Variants in SDK2 observed in about 807,000 individuals in gnomAD.
SDK2 encodes protein sidekick-2.
In SDK2, 105 loss-of-function variants were observed where a neutral mutation model predicts 253.9. That is an observed-to-expected ratio of 0.41 (90% CI 0.35 to 0.49). SDK2 has a LOEUF of 0.49. Ranked by LOEUF, SDK2 falls within the 20% of genes least tolerant of loss-of-function variation. The probability of loss-of-function intolerance (pLI) is 0.06; values close to 1 mark genes in which losing one functional copy is unlikely to be tolerated. For missense variants in SDK2, 2,608 were observed against 3,003.0 expected, an observed-to-expected ratio of 0.87 and a Z score of 3.07; for synonymous variants, 1,249 against 1,234.9, an observed-to-expected ratio of 1.01 and a Z score of -0.24.
intron 10 of SDK2, among the ~76,000 whole-genome samples, chr17:73,433,120 C>T (rs1031811078): frequency 2.9e-5 from 4 of 136,954 alleles, no homozygotes; most frequent in African/African-American, 1.0e-4. Context: ...CTCACATGCA[C>T]GCTATAGTCT....
At chr17:73,438,267 G>C (rs2063386806) in intron 6 of SDK2, 113 bp from the exon 7 acceptor site, 1 of 950,712 alleles carries the variant, frequency 1.1e-6, no homozygotes, top group South Asian at 1.8e-5. Context: ...GCCTGGGTTT[G>C]CCACCTTCCT....
In SDK2 at chr17:73,424,114, A is replaced by G. The variant is rs374474344; in HGVS notation, c.1584-22T>C. Reference sequence around the variant, plus strand: ...GTACCTAAAAGTAAGAAGAACCCGTAAGTACAGAGGGAGAGGAAGGTACCT... The same window carrying G: ...GTACCTAAAAGTAAGAAGAACCCGTGAGTACAGAGGGAGAGGAAGGTACCT... On this transcript the variant is annotated intron_variant, in intron 12 of 44. Coordinates refer to ENST00000392650, the MANE Select transcript of SDK2 (RefSeq NM_001144952.2). The G allele has an allele frequency of 7.7e-5, 123 of 1,601,442 alleles. No individual in the cohort carries two copies. In the African/African-American group the frequency reaches 1.6e-3, roughly 20 times the overall value.
At chr17:73,498,179 C>A (rs2063858901) in intron 2 of SDK2, among the ~76,000 whole-genome samples, 1 of 152,260 alleles carries the variant, frequency 6.6e-6, no homozygotes, top group Non-Finnish European at 1.5e-5. Flanking sequence ...ACAACCGGCA[C>A]CCATTGTAGT....
At chr17:73,457,239 CTT>C (rs2063532284) in intron 3 of SDK2, among the ~76,000 whole-genome samples, 1 of 47,448 alleles carries the variant, frequency 2.1e-5, no homozygotes, top group Non-Finnish European at 4.0e-5. Context: ...TCCTTCCTTC[CTT>C]CCTTCCTTCC....
At position 73,338,399 on chromosome 17, in the gene SDK2, T is replaced by C. The variant is rs765890880; in HGVS notation, c.*188A>G. ...GCTGAAGAGCTGCTGGCCACACACA[T>C]CCTCTCACGGTTTTCTCCCTCCTTC... is the stretch of plus-strand genomic sequence containing the variant. On this transcript the variant is annotated 3_prime_UTR_variant, in exon 45 of 45. Transcript: ENST00000392650. This position sits in a 1 kb window ranked among gnomAD's most constrained non-coding sequence, Gnocchi z 5.0. The C allele has an allele frequency of 7.3e-5, 51 of 696,470 alleles. No individual in the cohort carries two copies. The highest frequency in any genetic ancestry group is 1.3e-4 in the Non-Finnish European group (48 of 381,528). 43.1% of individuals were successfully genotyped at this position (696,470 alleles called of 1,614,324 possible).
intron 17 of SDK2, 126 bp downstream of exon 17, chr17:73,415,685 C>G: frequency 1.3e-6 from 1 of 768,472 alleles, no homozygotes; most frequent in Non-Finnish European, 2.1e-6. Context: ...GATGGAGTCT[C>G]CCTATGTTGC....
chr17:73,562,368 T>C (rs1599680774), intron 1 of SDK2, among the ~76,000 whole-genome samples: 1 of 152,028 alleles, frequency 6.6e-6, no homozygotes, highest in Non-Finnish European at 1.5e-5. Flanking sequence ...GTTTAATTAC[T>C]GAATTTTGGG....
rs138801054 is a variant in SDK2 at position 73,395,284 on chromosome 17, G to A, written c.3463C>T (p.Arg1155Cys). 6.2e-6 allele frequency: 10 copies of A among 1,613,812 alleles called. No homozygotes were observed. Among genetic ancestry groups the A allele is most frequent in the African/African-American group, 2.7e-5 (2 of 74,886 alleles). Residue 1155 changes from arginine (R) to cysteine (C), a missense_variant, in exon 25 of 45, where the codon CGT becomes TGT. Around this residue, in one of 2 missense-constraint regions of SDK2, gnomAD observed 1,505 missense variants for 1,859.1 expected, o/e 0.81. Transcript: ENST00000392650. This position sits in a 1 kb window ranked among gnomAD's most constrained non-coding sequence, Gnocchi z 4.3. ...TCGATGGTGTAGTCCCGCTCCACACGGTCCTGCACCACGTGGCTCAGCGTC... is the reference window on the plus strand; with the variant it reads ...TCGATGGTGTAGTCCCGCTCCACACAGTCCTGCACCACGTGGCTCAGCGTC... ...GKTLSHVVQD[R>C]VERDYTIEDL...
intron 39 of SDK2, among the ~76,000 whole-genome samples, chr17:73,358,940 G>A (rs2062617012): frequency 1.3e-5 from 2 of 152,010 alleles, no homozygotes; most frequent in Admixed American, 1.3e-4. Context: ...CTAGGAGCTG[G>A]AGCAGATGAG....
At chr17:73,350,153 T>G (rs2062521710) in intron 43 of SDK2, 84 bp downstream of exon 43, 7 of 340,462 alleles carry the variant, frequency 2.1e-5, no homozygotes, top group Non-Finnish European at 2.3e-5. Flanking sequence ...AGGTGGGCAC[T>G]CCCTGCTCTA....
chr17:73,566,733 C>T (rs922553834), intron 1 of SDK2, among the ~76,000 whole-genome samples: 8 of 151,986 alleles, frequency 5.3e-5, no homozygotes, highest in East Asian at 1.9e-4. Flanking sequence ...TGAGAGACAC[C>T]ACTTACAAGT....
rs1257327552 is a variant in SDK2, at chr17:73,383,896, G to A, written c.4685C>T (p.Ala1562Val). 2 of 1,613,966 alleles carry A rather than the reference G, an allele frequency of 1.2e-6. No individual in the cohort carries two copies. Among genetic ancestry groups the A allele is most frequent in the Non-Finnish European group, 1.7e-6 (2 of 1,179,898 alleles). Residue 1562 changes from alanine (A) to valine (V), a missense_variant, in exon 33 of 45, where the codon GCC becomes GTC. By Grantham distance (64) the Ala-to-Val change is moderately conservative. Transcript: ENST00000392650. The surrounding 1 kb of genome is among the most constrained non-coding windows in gnomAD (Gnocchi z 4.3). ...CTCACAGGTAAGCTCAGCCCATGTG[G>A]CCCCTGGGTTGTTGATGCCTCGAAG... is the stretch of plus-strand genomic sequence containing the variant. ...FTLRGINNPG[A>V]TWAELTSMYS...
chr17:73,643,985 C>CCA lies in SDK2; in HGVS notation c.64+38_64+39dup. 2 of 1,450,782 alleles carry CCA rather than the reference C, an allele frequency of 1.4e-6. No individual in the cohort carries two copies. The highest frequency in any genetic ancestry group is 2.0e-5 in the Admixed American group (1 of 50,518). The allele number at this position is 1,450,782 out of a possible 1,614,324, so 89.9% of individuals were successfully genotyped here. ...CGCCGCCCCTCCCCCGCCCACTCTC[C>CCA]CAGCCCCCTCCCTGTCCCCACGTGG... On this transcript the variant is annotated intron_variant, in intron 1 of 44. Coordinates refer to ENST00000392650, the MANE Select transcript of SDK2 (RefSeq NM_001144952.2). The surrounding 1 kb of genome is among the most constrained non-coding windows in gnomAD (Gnocchi z 6.9).
rs1392726719 is a variant in SDK2, at chr17:73,513,153, A to AC, written c.65-5557dup. The stretch of plus-strand genomic sequence containing the variant: ...AGAAATTCTGCCTGGAAAAAAAAAA[A>AC]CCCTCATAAACAAAAAGAAGTGACA... On this transcript the variant is annotated intron_variant, in intron 1 of 44. Transcript: ENST00000392650. 1.6e-4 allele frequency among the ~76,000 whole-genome samples: 25 copies of AC among 151,640 alleles called. No homozygotes were observed. The Middle Eastern group carries it at 0.01, about 62-fold the overall frequency.
intron 3 of SDK2, among the ~76,000 whole-genome samples, chr17:73,470,118 T>C (rs1377379792): frequency 1.3e-5 from 2 of 152,016 alleles, no homozygotes; most frequent in African/African-American, 4.8e-5. Context: ...TACATGTATG[T>C]GTATACACTT....
In SDK2 at chr17:73,334,449, T is replaced by C. The variant is rs1216983919; in HGVS notation, c.*4138A>G. 1.3e-5 allele frequency: 2 copies of C among 152,216 alleles called. No individual in the cohort carries two copies. Among genetic ancestry groups the C allele is most frequent in the Admixed American group, 6.5e-5 (1 of 15,280 alleles). The allele number at this position is 152,216 out of a possible 1,614,324, so 9.4% of individuals were successfully genotyped here. On this transcript the variant is annotated 3_prime_UTR_variant, in exon 45 of 45. Transcript: ENST00000392650. The stretch of plus-strand genomic sequence containing the variant: ...ACAGGACACGGGACTTCTTGTGGTA[T>C]ATATTTCAAATCAATTTCTTTCTTA...
chr17:73,500,289 C>T (rs540769086), intron 2 of SDK2, among the ~76,000 whole-genome samples: 40 of 144,624 alleles, frequency 2.8e-4, no homozygotes, highest in African/African-American at 1.0e-3. Flanking sequence ...CTCCATCCTC[C>T]TTCCATCTCC....
At chr17:73,561,586 A>T (rs547577952) in intron 1 of SDK2, among the ~76,000 whole-genome samples, 1 of 152,292 alleles carries the variant, frequency 6.6e-6, no homozygotes, top group South Asian at 2.1e-4. Flanking sequence ...TCACTATGTC[A>T]TGGGCCATCT....
At chr17:73,635,626 C>T (rs570716315) in intron 1 of SDK2, among the ~76,000 whole-genome samples, 8 of 152,244 alleles carry the variant, frequency 5.3e-5, no homozygotes, top group African/African-American at 1.7e-4. Flanking sequence ...TATTTCCTTC[C>T]GTTAGGACTG....
Sources: gnomAD v4.1 joint callset for allele counts (sites outside exome capture counted in the v4.1 genomes callset) on GRCh38, gnomAD v4.1.1 for gene constraint, gnomAD v4.1.1 regional missense constraint, Gnocchi (gnomAD v3.1) non-coding constraint, MANE v1.5 for transcripts, NCBI Gene and HGNC (gene_info 2026-07-23, HGNC 2026-07-21) for gene names.